GREB1: variants seen among roughly 807,000 people sequenced by gnomAD.
GREB1 encodes growth regulating estrogen receptor binding 1, also known as protein GREB1.
In GREB1, 106 loss-of-function variants were observed where a neutral mutation model predicts 200.7. That is an observed-to-expected ratio of 0.53 (90% CI 0.45 to 0.62). The LOEUF (loss-of-function observed/expected upper bound fraction) is 0.62, where lower values mean the gene tolerates loss of function less well. Ranked by LOEUF, GREB1 falls within the 20% of genes least tolerant of loss-of-function variation. GREB1 has a pLI of 0.00. For synonymous variants in GREB1, 1,132 were observed against 1,092.4 expected (o/e 1.04, Z -0.72); for missense variants, 2,243 against 2,556.8 (o/e 0.88, Z 2.65).
chr2:11,564,195 C>T (rs924649608), intron 3 of GREB1, among the ~76,000 whole-genome samples: 20 of 152,248 alleles, frequency 1.3e-4, no homozygotes, highest in African/African-American at 3.9e-4. Flanking sequence ...AGTGATGAGA[C>T]GTGGTGTGAA....
At chr2:11,494,044 G>GT (rs1467428523) in intron 1 of GREB1, among the ~76,000 whole-genome samples, 1 of 152,214 alleles carries the variant, frequency 6.6e-6, no homozygotes, top group Non-Finnish European at 1.5e-5. Context: ...TCCTTATGTG[G>GT]TAAGCCAGAG....
At chr2:11,504,534 A>G (rs927775719) in intron 1 of GREB1, among the ~76,000 whole-genome samples, 1 of 152,226 alleles carries the variant, frequency 6.6e-6, no homozygotes, top group African/African-American at 2.4e-5. Flanking sequence ...ATGAGCGAGT[A>G]GTCTCCATTC....
upstream of GREB1, among the ~76,000 whole-genome samples, chr2:11,531,523 G>C (rs921077105): frequency 6.6e-6 from 1 of 151,886 alleles, no homozygotes; most frequent in Non-Finnish European, 1.5e-5. Flanking sequence ...AAAAAATTGC[G>C]TATAATTCTT....
At chr2:11,505,958 C>T (rs148158673) in intron 1 of GREB1, among the ~76,000 whole-genome samples, 138 of 152,286 alleles carry the variant, frequency 9.1e-4, no homozygotes, top group Middle Eastern at 3.4e-3. Flanking sequence ...TGTTTAACAT[C>T]GGCGAACTCT....
At chr2:11,538,071 C>A (rs1370269927) in intron 1 of GREB1, among the ~76,000 whole-genome samples, 6 of 152,184 alleles carry the variant, frequency 3.9e-5, no homozygotes. Flanking sequence ...CACGTACAGA[C>A]CGCGTACAGT....
At chr2:11,637,971 C>A in intron 31 of GREB1, 55 bp downstream of exon 31, 3 of 1,440,074 alleles carry the variant, frequency 2.1e-6, no homozygotes, top group South Asian at 1.1e-5. Flanking sequence ...TCTCTAGAAC[C>A]AATGGGCTGG....
chr2:11,595,924 G>A lies in GREB1; in HGVS notation c.1826-187G>A, dbSNP rs115012541. Among the ~76,000 whole-genome samples the A allele has an allele frequency of 1.4e-3, 217 of 152,200 alleles. 2 individuals are homozygous for A. Among genetic ancestry groups the A allele is most frequent in the Non-Finnish European group, 2.0e-3 (133 of 68,012 alleles). On this transcript the variant is annotated intron_variant, in intron 12 of 32. Transcript: ENST00000381486. ...CTAGCACCTGCTATGTCTGTGTGGG[G>A]GGAGCTCACTCTGGCAGTGTGTCTT...
In GREB1 at chr2:11,597,185, T is replaced by C. The variant is rs1431930149; in HGVS notation, c.1955-596T>C. ...GGAGGCAGCATCCAAGGACTCAGAT[T>C]GGAGGTAGCAATGTCAGAGGCACAT... On this transcript the variant is annotated intron_variant, in intron 13 of 32. Transcript: ENST00000381486. The surrounding 1 kb of genome is among the most constrained non-coding windows in gnomAD (Gnocchi z 4.1). Among the ~76,000 whole-genome samples the C allele has an allele frequency of 1.3e-5, 2 of 152,032 alleles. No individual in the cohort carries two copies. The highest frequency in any genetic ancestry group is 2.9e-5 in the Non-Finnish European group (2 of 67,988).
intron 1 of GREB1, among the ~76,000 whole-genome samples, chr2:11,555,701 AAATT>A (rs752714170): frequency 2.6e-5 from 4 of 152,162 alleles, no homozygotes; most frequent in Non-Finnish European, 5.9e-5. Flanking sequence ...GACAGAAAAT[AAATT>A]AATTGTTGCC....
chr2:11,600,415 G>T (rs1160260210), intron 15 of GREB1, among the ~76,000 whole-genome samples: 1 of 152,114 alleles, frequency 6.6e-6, no homozygotes, highest in Non-Finnish European at 1.5e-5. Flanking sequence ...ATCTTTTCTG[G>T]ATCATTTCAA....
At chr2:11,606,259 C>T (rs957166673) in intron 17 of GREB1, among the ~76,000 whole-genome samples, 1 of 152,194 alleles carries the variant, frequency 6.6e-6, no homozygotes, top group Non-Finnish European at 1.5e-5. Flanking sequence ...GAAGTTCAAA[C>T]CTGTGTTATT....
At chr2:11,523,945 A>G (rs1458533657) in intron 1 of GREB1, among the ~76,000 whole-genome samples, 1 of 152,244 alleles carries the variant, frequency 6.6e-6, no homozygotes, top group Non-Finnish European at 1.5e-5. Context: ...ATACTGGGAC[A>G]GGTCTTTTCT....
chr2:11,537,246 G>C (rs1572610645), intron 1 of GREB1, among the ~76,000 whole-genome samples: 2 of 152,050 alleles, frequency 1.3e-5, no homozygotes, highest in East Asian at 1.9e-4. Context: ...TAACAGTCGT[G>C]AGCCACCGCG....
intron 1 of GREB1, among the ~76,000 whole-genome samples, chr2:11,535,586 T>C (rs1674254972): frequency 6.6e-6 from 1 of 152,052 alleles, no homozygotes; most frequent in Non-Finnish European, 1.5e-5. Context: ...ACTTAAAAAA[T>C]AATAATAAAT....
chr2:11,551,880 C>T lies in GREB1; in HGVS notation c.-161-4574C>T, dbSNP rs553344534. ...AAACCAAGTTCTCACTGATTTCTCC[C>T]CTCTTTTAAGTTGTAGCACTTATGG... is the stretch of plus-strand genomic sequence containing the variant. On this transcript the variant is annotated intron_variant, in intron 1 of 32. Coordinates refer to ENST00000381486, the MANE Select transcript of GREB1 (RefSeq NM_014668.4). Among the ~76,000 whole-genome samples the T allele has an allele frequency of 3.3e-5, 5 of 152,342 alleles. No individual in the cohort carries two copies. The East Asian group carries it at 5.8e-4, about 18-fold the overall frequency.
At chr2:11,601,738 G>A (rs750546878) in intron 16 of GREB1, among the ~76,000 whole-genome samples, 6 of 152,238 alleles carry the variant, frequency 3.9e-5, no homozygotes, top group Non-Finnish European at 8.8e-5. Flanking sequence ...GCTTCGTGCT[G>A]TGAGCTCATG....
rs1683755734 is a variant in GREB1, at chr2:11,618,893, A to C, written c.4018A>C (p.Arg1340=). The C allele has an allele frequency of 1.3e-6, 2 of 1,549,540 alleles. No individual in the cohort carries two copies. The highest frequency in any genetic ancestry group is 1.7e-6 in the Non-Finnish European group (2 of 1,152,850). Reference sequence around the variant, plus strand: ...CCGCGTGGACGGCTTCCACCCCCGCAGGCTGCTGCTCAGCGGCCCCCCTCA... The same window carrying C: ...CCGCGTGGACGGCTTCCACCCCCGCCGGCTGCTGCTCAGCGGCCCCCCTCA... ...EGRVDGFHPR[R]LLLSGPPQIG... The change falls in exon 22 of 33, where the codon AGG becomes CGG. Residue 1340 remains arginine (R), a synonymous_variant. Coordinates refer to ENST00000381486, the MANE Select transcript of GREB1 (RefSeq NM_014668.4).
At chr2:11,549,819 C>T (rs1249375006) in intron 1 of GREB1, among the ~76,000 whole-genome samples, 1 of 152,122 alleles carries the variant, frequency 6.6e-6, no homozygotes, top group Non-Finnish European at 1.5e-5. Flanking sequence ...TCTCTTTTGT[C>T]TCTTTGTTTC....
chr2:11,537,019 G>A (rs1441479063), intron 1 of GREB1, among the ~76,000 whole-genome samples: 1 of 152,118 alleles, frequency 6.6e-6, no homozygotes. Context: ...CTGGAGTGCA[G>A]TGTTGGAATT....
Sources: gnomAD v4.1 joint callset for allele counts (sites outside exome capture counted in the v4.1 genomes callset) on GRCh38, gnomAD v4.1.1 for gene constraint, Gnocchi (gnomAD v3.1) non-coding constraint, MANE v1.5 for transcripts, NCBI Gene and HGNC (gene_info 2026-07-23, HGNC 2026-07-21) for gene names.